TGM2: variants seen among roughly 807,000 people sequenced by gnomAD.
TGM2 encodes transglutaminase 2.
TGM2 carries 53 observed loss-of-function variants against 75.6 expected under a neutral mutation model. The ratio of observed to expected loss-of-function variants is 0.70; its 90% CI spans 0.56 to 0.88. TGM2 has a LOEUF of 0.88. Among genes scored for constraint, TGM2 ranks in the 40% least tolerant of loss-of-function variants. The pLI, the probability that TGM2 is intolerant of heterozygous loss-of-function variation, is 0.00. For synonymous variants in TGM2, 374 were observed against 381.1 expected (o/e 0.98, Z 0.22); for missense variants, 842 against 928.5 (o/e 0.91, Z 1.21).
In TGM2 at chr20:38,148,009, G is replaced by C. The variant is rs897036249; in HGVS notation, c.633C>G (p.Cys211Trp). Residue 211 changes from cysteine to tryptophan, a missense_variant, in exon 5 of 13, where the codon TGC (cysteine) becomes TGG (tryptophan). Physicochemically the swap from Cys to Trp is radical, Grantham distance 215 (BLOSUM62 -2). Transcript: ENST00000361475. ...CGTAGACGGGGCTGCTGCGGCGGGA[G>C]CAGTCACGGCCGGCGTTCTTCAGGA... The part of the protein sequence containing the change: ...PKFLKNAGRD[C>W]SRRSSPVYVG... 6.2e-7 allele frequency: 1 copy of C among 1,610,070 alleles called. No individual in the cohort carries two copies. The highest frequency in any genetic ancestry group is 2.2e-5 in the East Asian group (1 of 44,726).
In TGM2 at chr20:38,138,344, G is replaced by A; in HGVS notation, c.1384C>T (p.Leu462=). 1 of 1,614,172 alleles carries A rather than the reference G, an allele frequency of 6.2e-7. No individual in the cohort carries two copies. Among genetic ancestry groups the A allele is most frequent in the Non-Finnish European group, 8.5e-7 (1 of 1,180,032 alleles). Reference sequence around the variant, plus strand: ...TCCTCCTTCTCGGCCAGTTTGTTCAGGTGGTTCGCCCTTGTGAAGGCCTCC... The same window carrying A: ...TCCTCCTTCTCGGCCAGTTTGTTCAAGTGGTTCGCCCTTGTGAAGGCCTCC... ...EREAFTRANH[L]NKLAEKEETG... The change falls in exon 10 of 13, where the codon CTG becomes TTG. Residue 462 remains leucine, a synonymous_variant. Coordinates refer to ENST00000361475, the MANE Select transcript of TGM2 (RefSeq NM_004613.4).
chr20:38,165,966 A>G (rs915525929), upstream of TGM2, among the ~76,000 whole-genome samples: 2 of 152,072 alleles, frequency 1.3e-5, no homozygotes, highest in African/African-American at 4.8e-5. Context: ...GCAGGTGTCC[A>G]GAGGCACCTG....
At position 38,128,407 on chromosome 20, in the gene TGM2, C is replaced by G. The variant is rs955419714; in HGVS notation, c.*1812G>C. On this transcript the variant is annotated 3_prime_UTR_variant, in exon 13 of 13. Transcript: ENST00000361475. The stretch of plus-strand genomic sequence containing the variant: ...CAGGAAGTGGGGGTCCAGGTGTGAG[C>G]GAGCTCACCTACCCATCTCCCTCCA... The G allele has an allele frequency of 2.0e-5, 3 of 152,120 alleles. No individual in the cohort carries two copies. The East Asian group carries it at 5.8e-4, about 29-fold the overall frequency. The allele number at this position is 152,120 out of a possible 1,614,324, so 9.4% of individuals were successfully genotyped here.
rs1188247669 is a variant in TGM2 at position 38,156,018 on chromosome 20, A to G, written c.262T>C (p.Trp88Arg). ...PLRDAVEEGD[W>R]TATVVDQQDC... Reference sequence around the variant, plus strand: ...TGCTGGTCCACCACGGTGGCTGTCCAGTCACCCTCCTCCACAGCATCTCTT... The same window carrying G: ...TGCTGGTCCACCACGGTGGCTGTCCGGTCACCCTCCTCCACAGCATCTCTT... The change falls in exon 3 of 13, where the codon TGG (tryptophan) becomes CGG (arginine). Residue 88 changes from tryptophan to arginine, a missense_variant. Physicochemically the swap from Trp to Arg is moderately radical, Grantham distance 101. Coordinates refer to ENST00000361475, the MANE Select transcript of TGM2 (RefSeq NM_004613.4). 6.2e-7 allele frequency: 1 copy of G among 1,613,858 alleles called. No individual in the cohort carries two copies. Among genetic ancestry groups the G allele is most frequent in the Non-Finnish European group, 8.5e-7 (1 of 1,179,972 alleles).
chr20:38,148,236 G>T (rs918578171), intron 4 of TGM2, 147 bp from the exon 5 acceptor site: 2 of 1,046,402 alleles, frequency 1.9e-6, no homozygotes, highest in African/African-American at 1.6e-5. Flanking sequence ...AATCTCTCTG[G>T]TGGCAGCTTC....
Position 38,130,115 on chromosome 20 carries a change from G to A in TGM2, c.*104C>T. On this transcript the variant is annotated 3_prime_UTR_variant, in exon 13 of 13. Coordinates refer to ENST00000361475, the MANE Select transcript of TGM2 (RefSeq NM_004613.4). ...AGAGCCCCCATAGGCTGCCCACCCTGCCCTGGGGTCTGGGGCCCAAGAAGG... is the reference window on the plus strand; with the variant it reads ...AGAGCCCCCATAGGCTGCCCACCCTACCCTGGGGTCTGGGGCCCAAGAAGG... 1 of 1,515,850 alleles carries A rather than the reference G, an allele frequency of 6.6e-7. No individual in the cohort carries two copies. Among genetic ancestry groups the A allele is most frequent in the South Asian group, 1.2e-5 (1 of 83,142 alleles). The allele number at this position is 1,515,850 out of a possible 1,614,324, so 93.9% of individuals were successfully genotyped here.
chr20:38,143,823 G>A (rs552076100), intron 6 of TGM2, among the ~76,000 whole-genome samples: 3 of 152,310 alleles, frequency 2.0e-5, no homozygotes, highest in East Asian at 3.9e-4. Flanking sequence ...GTTTGGGAGT[G>A]GGGGAGAAGG....
intron 11 of TGM2, among the ~76,000 whole-genome samples, chr20:38,132,101 C>T (rs2074840784): frequency 6.6e-6 from 1 of 152,034 alleles, no homozygotes. Flanking sequence ...CTCTAAGATC[C>T]CCAAATTCCA....
chr20:38,137,702 G>C (rs1424520238), intron 10 of TGM2, among the ~76,000 whole-genome samples: 1 of 152,206 alleles, frequency 6.6e-6, no homozygotes, highest in African/African-American at 2.4e-5. Context: ...CCCATGGAGA[G>C]AGGCTGCTGA....
chr20:38,128,159 G>C lies in TGM2; in HGVS notation c.*2060C>G, dbSNP rs2074785311. 6.6e-6 allele frequency: 1 copy of C among 152,252 alleles called. No individual in the cohort carries two copies. The highest frequency in any genetic ancestry group is 1.5e-5 in the Non-Finnish European group (1 of 68,068). The allele number at this position is 152,252 out of a possible 1,614,324, so 9.4% of individuals were successfully genotyped here. ...AGGATGAGTAGGAGTTTGCCAAGCA[G>C]GGAAAGAAAAGGAGGGGCACTCCAG... is the stretch of plus-strand genomic sequence containing the variant. On this transcript the variant is annotated 3_prime_UTR_variant, in exon 13 of 13. Coordinates refer to ENST00000361475, the MANE Select transcript of TGM2 (RefSeq NM_004613.4).
Position 38,161,595 on chromosome 20 carries a change from C to A in TGM2, c.15G>T (p.Leu5=), listed in dbSNP as rs766634297. 4 of 1,614,066 alleles carry A rather than the reference C, an allele frequency of 2.5e-6. No individual in the cohort carries two copies. The African/African-American group carries it at 5.3e-5, about 22-fold the overall frequency. ...GCTCCAGATCACACCTCTCTAAGAC[C>A]AGCTCTATGGAAACAGAAGGAGACG... is the stretch of plus-strand genomic sequence containing the variant. The part of the protein sequence containing the change: MAEE[L]VLERCDLELE... Residue 5 remains leucine, a synonymous_variant, in exon 2 of 13, where the codon CTG becomes CTT. Transcript: ENST00000361475.
intron 10 of TGM2, chr20:38,132,924 G>A (rs1040450592): frequency 2.2e-6 from 1 of 450,418 alleles, no homozygotes. Flanking sequence ...TTCATCCTGG[G>A]GAGGATCAGA....
At chr20:38,163,721 A>T (rs116300762) in intron 1 of TGM2, among the ~76,000 whole-genome samples, 29 of 152,294 alleles carry the variant, frequency 1.9e-4, no homozygotes, top group African/African-American at 6.7e-4. Context: ...GTGTAATCAC[A>T]ACAGAAGAGA....
At position 38,152,939 on chromosome 20, in the gene TGM2, G is replaced by A. The variant is rs764496613; in HGVS notation, c.434-1882C>T. Among the ~76,000 whole-genome samples the A allele has an allele frequency of 3.3e-5, 5 of 150,908 alleles. No individual in the cohort carries two copies. In the South Asian group the frequency reaches 8.4e-4, roughly 25 times the overall value. On this transcript the variant is annotated intron_variant, in intron 3 of 12. Coordinates refer to ENST00000361475, the MANE Select transcript of TGM2 (RefSeq NM_004613.4). ...AACTCTGAAACCTTGTGGTGTGGAC[G>A]AGGGTGGGGACACCGGCGTGTTCCT...
chr20:38,162,076 C>T (rs1297702452), intron 1 of TGM2, among the ~76,000 whole-genome samples: 1 of 152,220 alleles, frequency 6.6e-6, no homozygotes, highest in Non-Finnish European at 1.5e-5. Flanking sequence ...CTGCCTTGAC[C>T]TACCAAAGTG....
Position 38,130,308 on chromosome 20 carries a change from T to C in TGM2, c.1975A>G (p.Met659Val). The C allele has an allele frequency of 6.2e-7, 1 of 1,611,416 alleles. No homozygotes were observed. The highest frequency in any genetic ancestry group is 8.5e-7 in the Non-Finnish European group (1 of 1,179,188). ...KVRMDLLPLH[M>V]GLHKLVVNFE... Reference sequence around the variant, plus strand: ...TTCACCACCAGCTTGTGGAGGCCCATGTGGAGCGGCAGCAGGTCCATTCTC... The same window carrying C: ...TTCACCACCAGCTTGTGGAGGCCCACGTGGAGCGGCAGCAGGTCCATTCTC... Residue 659 changes from methionine to valine, a missense_variant, in exon 13 of 13, where the codon ATG becomes GTG. By Grantham distance (21) the Met-to-Val change is conservative. Transcript: ENST00000361475.
upstream of TGM2, among the ~76,000 whole-genome samples, chr20:38,167,574 A>G (rs2075321305): frequency 1.3e-5 from 2 of 152,118 alleles, no homozygotes; most frequent in African/African-American, 4.8e-5. Flanking sequence ...CCTGAGCTCT[A>G]GTGATCTGCA....
At chr20:38,146,590 C>T (rs1248543281) in intron 6 of TGM2, 127 bp downstream of exon 6, 1 of 1,151,484 alleles carries the variant, frequency 8.7e-7, no homozygotes, top group African/African-American at 1.5e-5. Context: ...AGGCTCTAGG[C>T]CACATAGCGC....
chr20:38,163,463 T>A (rs1172625274), intron 1 of TGM2, among the ~76,000 whole-genome samples: 1 of 152,224 alleles, frequency 6.6e-6, no homozygotes, highest in Non-Finnish European at 1.5e-5. Context: ...ACATAGATGC[T>A]ATCATGATTC....
Sources: gnomAD v4.1 joint callset for allele counts (sites outside exome capture counted in the v4.1 genomes callset) on GRCh38, gnomAD v4.1.1 for gene constraint, MANE v1.5 for transcripts, NCBI Gene and HGNC (gene_info 2026-07-23, HGNC 2026-07-21) for gene names.